The following UGT2B4 variants were observed in gnomAD, a reference collection of about 807,000 sequenced individuals.
UGT2B4 encodes the protein UDP-glucuronosyltransferase 2B4.
In UGT2B4, 49 loss-of-function variants were observed where a neutral mutation model predicts 49.8. The ratio of observed to expected loss-of-function variants is 0.98; its 90% CI spans 0.78 to 1.25. UGT2B4 has a LOEUF of 1.25. Among genes scored for constraint, UGT2B4 ranks in the 50% most tolerant of loss-of-function variants. The probability of loss-of-function intolerance (pLI) is 0.00; values close to 1 mark genes in which losing one functional copy is unlikely to be tolerated. For missense variants in UGT2B4, 729 were observed against 627.7 expected (o/e 1.16, Z -1.73); for synonymous variants, 246 against 217.7 (o/e 1.13, Z -1.14).
rs1191043987 is a variant in UGT2B4 at position 69,495,891 on chromosome 4, T to G, written c.-30A>C. The G allele has an allele frequency of 6.5e-7, 1 of 1,544,942 alleles. No homozygotes were observed. The highest frequency in any genetic ancestry group is 1.4e-5 in the African/African-American group (1 of 72,452). On this transcript the variant is annotated 5_prime_UTR_variant, in exon 1 of 6. Transcript: ENST00000305107. Reference sequence around the variant, plus strand: ...ATGCAATGCAATGCTTGTTTTCCAGTTGCTGCTCCTTTCTGTCATTTCTCA... The same window carrying G: ...ATGCAATGCAATGCTTGTTTTCCAGGTGCTGCTCCTTTCTGTCATTTCTCA...
chr4:69,523,408 C>A (rs1280442475), intron 1 of UGT2B4, among the ~76,000 whole-genome samples: 1 of 152,080 alleles, frequency 6.6e-6, no homozygotes, highest in Non-Finnish European at 1.5e-5. Context: ...TAACATTAAT[C>A]TCCTTGTACA....
chr4:69,523,766 A>G (rs1728899339), intron 1 of UGT2B4, among the ~76,000 whole-genome samples: 2 of 152,122 alleles, frequency 1.3e-5, no homozygotes, highest in South Asian at 2.1e-4. Flanking sequence ...GACTCAAGTG[A>G]CATATTTTTT....
chr4:69,480,589 A>C lies in UGT2B4; in HGVS notation c.*45T>G. The C allele has an allele frequency of 1.3e-6, 2 of 1,591,300 alleles. No homozygotes were observed. The highest frequency in any genetic ancestry group is 8.6e-7 in the Non-Finnish European group (1 of 1,168,092). The stretch of plus-strand genomic sequence containing the variant: ...ACGTCTTCTTGTTGTAATAAACTAA[A>C]GGAGTTCATTTATTGGGTTTCCCAG... On this transcript the variant is annotated 3_prime_UTR_variant, in exon 6 of 6. Coordinates refer to ENST00000305107, the MANE Select transcript of UGT2B4 (RefSeq NM_021139.3).
chr4:69,483,186 A>G (rs557660479), intron 5 of UGT2B4, among the ~76,000 whole-genome samples: 1 of 152,234 alleles, frequency 6.6e-6, no homozygotes, highest in Non-Finnish European at 1.5e-5. Flanking sequence ...AAGATTTTTT[A>G]GTTATCATTT....
At chr4:69,506,500 T>C (rs1728471361) in intron 1 of UGT2B4, among the ~76,000 whole-genome samples, 1 of 152,138 alleles carries the variant, frequency 6.6e-6, no homozygotes, top group South Asian at 2.1e-4. Context: ...TGGAATTATA[T>C]ACCCTCCAAA....
chr4:69,489,117 G>C (rs1727902985), intron 3 of UGT2B4, among the ~76,000 whole-genome samples: 1 of 152,010 alleles, frequency 6.6e-6, no homozygotes, highest in Non-Finnish European at 1.5e-5. Context: ...TTAAACAAAA[G>C]GATCAAATCA....
intron 1 of UGT2B4, among the ~76,000 whole-genome samples, chr4:69,501,047 G>A (rs1056722109): frequency 2.6e-5 from 4 of 152,060 alleles, no homozygotes; most frequent in African/African-American, 7.2e-5. Context: ...ACCTGCAAGC[G>A]CCACCCTCAC....
chr4:69,510,350 G>T (rs543198327), intron 1 of UGT2B4, among the ~76,000 whole-genome samples: 1 of 152,118 alleles, frequency 6.6e-6, no homozygotes, highest in East Asian at 1.9e-4. Context: ...TCTTTAATGA[G>T]CAGTCATGGC....
intron 2 of UGT2B4, among the ~76,000 whole-genome samples, chr4:69,491,626 A>G (rs1374298547): frequency 6.6e-6 from 1 of 152,150 alleles, no homozygotes; most frequent in Non-Finnish European, 1.5e-5. Flanking sequence ...ACTTGCATTC[A>G]AAGCTTTCTA....
chr4:69,482,611 T>G (rs1274471623), intron 5 of UGT2B4, among the ~76,000 whole-genome samples: 1 of 152,058 alleles, frequency 6.6e-6, no homozygotes, highest in Non-Finnish European at 1.5e-5. Flanking sequence ...TACTCCTTTT[T>G]TTTTCCTTTT....
In UGT2B4 at chr4:69,480,917, G is replaced by C; in HGVS notation, c.1311-7C>G. ...CATAGCATTCTCTTTATATCTAAAC[G>C]ATAAGCAGAAAAGTATCAACATTGA... On this transcript the variant is annotated splice_region_variant and splice_polypyrimidine_tract_variant and intron_variant, in intron 5 of 5. Transcript: ENST00000305107. 2 of 1,611,902 alleles carry C rather than the reference G, an allele frequency of 1.2e-6. No individual in the cohort carries two copies. Among genetic ancestry groups the C allele is most frequent in the Non-Finnish European group, 1.7e-6 (2 of 1,178,668 alleles).
chr4:69,510,682 T>C (rs893848658), intron 1 of UGT2B4, among the ~76,000 whole-genome samples: 17 of 152,174 alleles, frequency 1.1e-4, no homozygotes, highest in Non-Finnish European at 2.2e-4. Context: ...TTTTGTATTC[T>C]GCAAATTTAC....
intron 1 of UGT2B4, among the ~76,000 whole-genome samples, chr4:69,520,513 C>G (rs1728824519): frequency 6.6e-6 from 1 of 152,232 alleles, no homozygotes; most frequent in South Asian, 2.1e-4. Context: ...TTCAGGAAGT[C>G]CCCCTGCTCC....
At chr4:69,523,750 A>G (rs958048614) in intron 1 of UGT2B4, among the ~76,000 whole-genome samples, 2 of 152,092 alleles carry the variant, frequency 1.3e-5, no homozygotes, top group African/African-American at 2.4e-5. Flanking sequence ...ATCTTTCACT[A>G]TTAAAGACTC....
chr4:69,522,244 A>G (rs1728865073), intron 1 of UGT2B4, among the ~76,000 whole-genome samples: 1 of 152,228 alleles, frequency 6.6e-6, no homozygotes, highest in Admixed American at 6.5e-5. Flanking sequence ...CATACACACA[A>G]TCAAAAACAC....
chr4:69,525,134 T>C (rs1728951252), intron 1 of UGT2B4, among the ~76,000 whole-genome samples: 1 of 152,174 alleles, frequency 6.6e-6, no homozygotes, highest in Admixed American at 6.5e-5. Context: ...AGAAAGCCAG[T>C]CAAAATGTCA....
rs1407796130 is a variant in UGT2B4, at chr4:69,480,912, T to C, written c.1311-2A>G. 1 of 1,612,194 alleles carries C rather than the reference T, an allele frequency of 6.2e-7. No individual in the cohort carries two copies. The highest frequency in any genetic ancestry group is 8.5e-7 in the Non-Finnish European group (1 of 1,178,954). Reference sequence around the variant, plus strand: ...AATTTCATAGCATTCTCTTTATATCTAAACGATAAGCAGAAAAGTATCAAC... The same window carrying C: ...AATTTCATAGCATTCTCTTTATATCCAAACGATAAGCAGAAAAGTATCAAC... On this transcript the variant is annotated splice_acceptor_variant, in intron 5 of 5. Transcript: ENST00000305107. LOFTEE classifies it high-confidence loss of function.
At chr4:69,497,035 G>A (rs1728187563), upstream of UGT2B4, among the ~76,000 whole-genome samples, 1 of 151,918 alleles carries the variant, frequency 6.6e-6, no homozygotes, top group African/African-American at 2.4e-5. Flanking sequence ...CTTCCTAATA[G>A]TTTTTTGGCT....
At chr4:69,503,027 G>A (rs1177990088) in intron 1 of UGT2B4, among the ~76,000 whole-genome samples, 3 of 152,156 alleles carry the variant, frequency 2.0e-5, no homozygotes, top group African/African-American at 4.8e-5. Flanking sequence ...CAGTAAGCCA[G>A]CTGATGTGAA....
Sources: allele counts gnomAD v4.1 joint callset (sites outside exome capture counted in the v4.1 genomes callset), GRCh38; gene constraint gnomAD v4.1.1; transcripts MANE v1.5; gene names NCBI Gene and HGNC (gene_info 2026-07-23, HGNC 2026-07-21).